Variants in LY86 observed in about 807,000 individuals in gnomAD.
LY86 encodes lymphocyte antigen 86.
In LY86, 20 loss-of-function variants were observed where a neutral mutation model predicts 17.3. The ratio of observed to expected loss-of-function variants is 1.15; its 90% CI spans 0.81 to 1.68. The LOEUF is 1.68. LY86 is among the 40% of genes most tolerant of loss of function. The pLI, the probability that LY86 is intolerant of heterozygous loss-of-function variation, is 0.00. For missense variants in LY86, 200 were observed against 191.9 expected (o/e 1.04, Z -0.25); for synonymous variants, 74 against 70.6 (o/e 1.05, Z -0.24).
chr6:6,654,523 C>T (rs377477758), intron 4 of LY86, 21 bp from the exon 5 acceptor site: 125 of 1,575,788 alleles, frequency 7.9e-5, no homozygotes, highest in Non-Finnish European at 1.1e-4. Context: ...ACGTCTAATA[C>T]TTGACCTGTG....
chr6:6,642,446 C>A (rs548196739), intron 3 of LY86, among the ~76,000 whole-genome samples: 1 of 152,304 alleles, frequency 6.6e-6, no homozygotes, highest in South Asian at 2.1e-4. Flanking sequence ...AAAAATAATA[C>A]TAAAAAGTTA....
At chr6:6,606,693 G>T (rs1247475418) in intron 1 of LY86, among the ~76,000 whole-genome samples, 1 of 152,192 alleles carries the variant, frequency 6.6e-6, no homozygotes, top group Non-Finnish European at 1.5e-5. Flanking sequence ...CTCACTACCC[G>T]GGGCTTGCGG....
intron 1 of LY86, among the ~76,000 whole-genome samples, chr6:6,605,338 AGGT>A (rs1761075893): frequency 6.6e-6 from 1 of 152,158 alleles, no homozygotes; most frequent in Non-Finnish European, 1.5e-5. Flanking sequence ...CTCTGGGAAA[AGGT>A]GATGAAGTAG....
At chr6:6,651,547 C>T (rs1311245115) in intron 4 of LY86, among the ~76,000 whole-genome samples, 1 of 152,146 alleles carries the variant, frequency 6.6e-6, no homozygotes, top group African/African-American at 2.4e-5. Context: ...TAAACTCTCC[C>T]AGAGAGTTCC....
At chr6:6,617,599 C>T (rs564883925) in intron 1 of LY86, among the ~76,000 whole-genome samples, 1 of 152,310 alleles carries the variant, frequency 6.6e-6, no homozygotes, top group African/African-American at 2.4e-5. Context: ...TCTGATTTGT[C>T]TATCCCCAAG....
chr6:6,654,387 G>C (rs1384281363), intron 4 of LY86, among the ~76,000 whole-genome samples, 157 bp from the exon 5 acceptor site: 1 of 152,220 alleles, frequency 6.6e-6, no homozygotes, highest in East Asian at 1.9e-4. Context: ...CAGAGATGCT[G>C]TCAGCTCCAC....
chr6:6,603,178 C>A (rs1284777960), intron 1 of LY86, among the ~76,000 whole-genome samples: 1 of 152,082 alleles, frequency 6.6e-6, no homozygotes, highest in Non-Finnish European at 1.5e-5. Context: ...GCCCTCATGA[C>A]CTGATGATGT....
intron 1 of LY86, among the ~76,000 whole-genome samples, chr6:6,617,301 C>T (rs1761576567): frequency 6.6e-6 from 1 of 152,112 alleles, no homozygotes; most frequent in Non-Finnish European, 1.5e-5. Flanking sequence ...GCATATTAGA[C>T]AGTTAAGAAA....
At chr6:6,643,095 A>G (rs538421968) in intron 3 of LY86, among the ~76,000 whole-genome samples, 2 of 152,334 alleles carry the variant, frequency 1.3e-5, no homozygotes, top group East Asian at 3.9e-4. Context: ...TACTGATTTC[A>G]TCTCCTTTGG....
At chr6:6,613,335 C>T (rs974113489) in intron 1 of LY86, among the ~76,000 whole-genome samples, 3 of 152,238 alleles carry the variant, frequency 2.0e-5, no homozygotes, top group African/African-American at 7.2e-5. Context: ...GGTGGCGCTG[C>T]TCGTCGGGGA....
At chr6:6,631,441 C>T (rs11961398) in intron 3 of LY86, among the ~76,000 whole-genome samples, 1 of 152,098 alleles carries the variant, frequency 6.6e-6, no homozygotes, top group South Asian at 2.1e-4. Context: ...CCACTAAGAC[C>T]GGAAAAAGAT....
At chr6:6,612,204 G>T (rs1053333988) in intron 1 of LY86, among the ~76,000 whole-genome samples, 2 of 152,180 alleles carry the variant, frequency 1.3e-5, no homozygotes, top group Non-Finnish European at 2.9e-5. Context: ...CGAAGCCACA[G>T]ACCCTCACAG....
At chr6:6,606,277 C>T (rs1467140400) in intron 1 of LY86, among the ~76,000 whole-genome samples, 1 of 152,182 alleles carries the variant, frequency 6.6e-6, no homozygotes, top group Non-Finnish European at 1.5e-5. Flanking sequence ...AGTAGCTAAA[C>T]ACAGAGTGTC....
intron 1 of LY86, among the ~76,000 whole-genome samples, chr6:6,606,476 C>T (rs371040617): frequency 6.7e-4 from 102 of 152,340 alleles, no homozygotes; most frequent in Non-Finnish European, 1.2e-3. Context: ...CACCCGCACT[C>T]CTCAGCCCTT....
At chr6:6,598,383 A>G (rs1043028693) in intron 1 of LY86, among the ~76,000 whole-genome samples, 4 of 152,140 alleles carry the variant, frequency 2.6e-5, no homozygotes, top group African/African-American at 4.8e-5. Context: ...ATTTTTACCT[A>G]TACTACTAAA....
At chr6:6,590,118 TAA>T (rs34637229) in intron 1 of LY86, among the ~76,000 whole-genome samples, 24,342 of 79,974 alleles carry the variant, frequency 0.3, 2,862 homozygotes, top group Admixed American at 0.33. Flanking sequence ...AACTCTGTCT[TAA>T]AAAAAAAAAA....
intron 4 of LY86, 112 bp from the exon 5 acceptor site, chr6:6,654,432 C>A: frequency 1.3e-6 from 1 of 780,846 alleles, no homozygotes; most frequent in Non-Finnish European, 2.2e-6. Flanking sequence ...TCTACGTTAT[C>A]CACAATGTCC....
chr6:6,589,104 G>A (rs978986891), intron 1 of LY86, among the ~76,000 whole-genome samples: 7 of 152,288 alleles, frequency 4.6e-5, no homozygotes, highest in Admixed American at 3.3e-4. Flanking sequence ...ACAAGAAAGA[G>A]AAATTGAATC....
intron 1 of LY86, among the ~76,000 whole-genome samples, chr6:6,595,535 C>T (rs1247238750): frequency 6.6e-6 from 1 of 151,518 alleles, no homozygotes; most frequent in Non-Finnish European, 1.5e-5. Context: ...CACCCCAGCC[C>T]CATCCTCTCT....
Sources: gnomAD v4.1 joint callset for allele counts (sites outside exome capture counted in the v4.1 genomes callset) on GRCh38, gnomAD v4.1.1 for gene constraint, MANE v1.5 for transcripts, NCBI Gene and HGNC (gene_info 2026-07-23, HGNC 2026-07-21) for gene names.